ABHD16A: variants seen among roughly 807,000 people sequenced by gnomAD.
The protein encoded by ABHD16A is phosphatidylserine lipase ABHD16A.
In ABHD16A, 47 loss-of-function variants were observed where a neutral mutation model predicts 89.8. That is an observed-to-expected ratio of 0.52 (90% CI 0.41 to 0.67). The LOEUF (loss-of-function observed/expected upper bound fraction) is 0.67, where lower values mean the gene tolerates loss of function less well. ABHD16A is among the 30% of genes least tolerant of loss of function. ABHD16A has a pLI of 0.00. For missense variants in ABHD16A, 580 were observed against 734.6 expected (o/e 0.79, Z 2.43); for synonymous variants, 251 against 280.4 (o/e 0.90, Z 1.05).
Position 31,687,443 on chromosome 6 carries a change from CTA to C in ABHD16A, c.1593+53_1593+54del, listed in dbSNP as rs1209698909. The C allele has an allele frequency of 1.2e-6, 2 of 1,612,260 alleles. No homozygotes were observed. The highest frequency in any genetic ancestry group is 3.3e-5 in the Admixed American group (2 of 60,018). On this transcript the variant is annotated intron_variant, in intron 19 of 19. Transcript: ENST00000395952. This position sits in a 1 kb window ranked among gnomAD's most constrained non-coding sequence, Gnocchi z 6.3. ...TGCTTATAGGGTATCCCCAGTCCCC[CTA>C]TGTGAGCCCTGGCCATTCAAGAACC...
At position 31,690,169 on chromosome 6, in the gene ABHD16A, C is replaced by A; in HGVS notation, c.908-42G>T. ...GGAGGGACTGAGACCTTGTGGCCCA[C>A]AGCCCTTTCTCCATCCCTGGGGGAA... On this transcript the variant is annotated intron_variant, in intron 10 of 19. Coordinates refer to ENST00000395952, the MANE Select transcript of ABHD16A (RefSeq NM_021160.3). The surrounding 1 kb of genome is among the most constrained non-coding windows in gnomAD (Gnocchi z 4.1). 1 of 1,531,280 alleles carries A rather than the reference C, an allele frequency of 6.5e-7. No homozygotes were observed. The highest frequency in any genetic ancestry group is 1.2e-5 in the South Asian group (1 of 80,114). The allele number at this position is 1,531,280 out of a possible 1,614,324, so 94.9% of individuals were successfully genotyped here. A position where few individuals can be genotyped will look rare whatever the true frequency, so the allele number is the denominator to read the frequency against.
intron 4 of ABHD16A, among the ~76,000 whole-genome samples, chr6:31,697,572 C>T (rs1804519439): frequency 6.6e-6 from 1 of 152,154 alleles, no homozygotes; most frequent in Non-Finnish European, 1.5e-5. Context: ...CAGCATTCTC[C>T]CTGTCCCTCA....
intron 9 of ABHD16A, among the ~76,000 whole-genome samples, chr6:31,691,122 C>CTAG (rs1205168796): frequency 6.6e-6 from 1 of 152,082 alleles, no homozygotes; most frequent in African/African-American, 2.4e-5. Flanking sequence ...GCGCTCTTTC[C>CTAG]ACGGCTGCTT....
chr6:31,703,203 C>G lies in ABHD16A; in HGVS notation c.79G>C (p.Ala27Pro). The G allele has an allele frequency of 6.9e-7, 1 of 1,443,142 alleles. No individual in the cohort carries two copies. Among genetic ancestry groups the G allele is most frequent in the Non-Finnish European group, 9.2e-7 (1 of 1,089,706 alleles). 89.4% of individuals were successfully genotyped at this position (1,443,142 alleles called of 1,614,324 possible). A position where few individuals can be genotyped will look rare whatever the true frequency, so the allele number is the denominator to read the frequency against. The change falls in exon 1 of 20, where the codon GCC becomes CCC. Residue 27 changes from alanine (A) to proline (P), a missense_variant. Ala to Pro is a conservative substitution (Grantham distance 27). Transcript: ENST00000395952. The stretch of plus-strand genomic sequence containing the variant: ...GCCGTTGGCGTCTCAGGGACGCTGG[C>G]CGGGGCCCTTTCAGAGTCCCTCTCC... Reference protein sequence around the residue: ...YRERDSERAPASVPETPTAVT... With the variant: ...YRERDSERAPPSVPETPTAVT...
At position 31,689,251 on chromosome 6, in the gene ABHD16A, C is replaced by G. The variant is rs1032189589; in HGVS notation, c.1082-132G>C. The G allele has an allele frequency of 4.6e-6, 4 of 868,860 alleles. No homozygotes were observed. In the Admixed American group the frequency reaches 8.6e-5, roughly 19 times the overall value. 53.8% of individuals were successfully genotyped at this position (868,860 alleles called of 1,614,324 possible). ...TGTTATCCCTTGTTTTTTTCTTAAC[C>G]TACTTCACTTGGTTAGGGAACTATC... On this transcript the variant is annotated intron_variant, in intron 12 of 19. Transcript: ENST00000395952.
In ABHD16A at chr6:31,690,542, C is replaced by T; in HGVS notation, c.904G>A (p.Glu302Lys). 6.2e-7 allele frequency: 1 copy of T among 1,612,990 alleles called. No homozygotes were observed. Among genetic ancestry groups the T allele is most frequent in the Non-Finnish European group, 8.5e-7 (1 of 1,179,964 alleles). ...GGAGGCTGAGTCACCGTCCTACCTTCCAGGGGCGTGGAGACGCAGCCCACC... is the reference window on the plus strand; with the variant it reads ...GGAGGCTGAGTCACCGTCCTACCTTTCAGGGGCGTGGAGACGCAGCCCACC... Reference protein sequence around the residue: ...YEVGCVSTPLEAGYSVLGWNH... With the variant: ...YEVGCVSTPLKAGYSVLGWNH... The change falls in exon 10 of 20, where the codon GAA becomes AAA. Residue 302 changes from glutamate to lysine, a missense_variant. This residue lies in a region of ABHD16A where 415 missense variants were observed against 568.8 expected (regional missense o/e 0.73). Coordinates refer to ENST00000395952, the MANE Select transcript of ABHD16A (RefSeq NM_021160.3). The surrounding 1 kb of genome is among the most constrained non-coding windows in gnomAD (Gnocchi z 4.1).
Position 31,688,466 on chromosome 6 carries a change from G to GC in ABHD16A, c.1251-162dup, listed in dbSNP as rs1344232385. On this transcript the variant is annotated intron_variant, in intron 14 of 19. Coordinates refer to ENST00000395952, the MANE Select transcript of ABHD16A (RefSeq NM_021160.3). The surrounding 1 kb of genome is among the most constrained non-coding windows in gnomAD (Gnocchi z 4.9). ...GGGGTGAGAGGGGATTATTTAAGGGGCATGGTTCAGTCTGGCCCTGCTGGG... is the reference window on the plus strand; with the variant it reads ...GGGGTGAGAGGGGATTATTTAAGGGGCCATGGTTCAGTCTGGCCCTGCTGGG... 1.2e-6 allele frequency: 1 copy of GC among 833,718 alleles called. No homozygotes were observed. The highest frequency in any genetic ancestry group is 1.9e-6 in the Non-Finnish European group (1 of 526,462). The allele number at this position is 833,718 out of a possible 1,614,324, so 51.6% of individuals were successfully genotyped here.
rs2151236210 is a variant in ABHD16A at position 31,693,243 on chromosome 6, A to G, written c.504-94T>C. 1 of 1,586,736 alleles carries G rather than the reference A, an allele frequency of 6.3e-7. No homozygotes were observed. The highest frequency in any genetic ancestry group is 1.7e-4 in the Middle Eastern group (1 of 5,918). On this transcript the variant is annotated intron_variant, in intron 6 of 19. Coordinates refer to ENST00000395952, the MANE Select transcript of ABHD16A (RefSeq NM_021160.3). The surrounding 1 kb of genome is among the most constrained non-coding windows in gnomAD (Gnocchi z 5.0). ...AACAGTGGGGTCTAGGAACGACATAATGGCATTGGAAGGCAGGCACTGTGA... is the reference window on the plus strand; with the variant it reads ...AACAGTGGGGTCTAGGAACGACATAGTGGCATTGGAAGGCAGGCACTGTGA...
Position 31,689,107 on chromosome 6 carries a change from G to A in ABHD16A, c.1094C>T (p.Ala365Val). ...GGCACTAACATCTGGGTAGGACATG[G>A]CTGCCCACGTGGCTGGTACCAGGGC... is the stretch of plus-strand genomic sequence containing the variant. The part of the protein sequence containing the change: ...SIGGFTATWA[A>V]MSYPDVSAMI... The change falls in exon 13 of 20, where the codon GCC becomes GTC. Residue 365 changes from alanine to valine, a missense_variant. Around this residue, in one of 2 missense-constraint regions of ABHD16A, gnomAD observed 415 missense variants for 568.8 expected, o/e 0.73. Coordinates refer to ENST00000395952, the MANE Select transcript of ABHD16A (RefSeq NM_021160.3). 6.2e-7 allele frequency: 1 copy of A among 1,613,852 alleles called. No individual in the cohort carries two copies. Among genetic ancestry groups the A allele is most frequent in the Non-Finnish European group, 8.5e-7 (1 of 1,179,858 alleles).
chr6:31,687,580 C>G lies in ABHD16A; in HGVS notation c.1547-36G>C. On this transcript the variant is annotated intron_variant, in intron 18 of 19. Coordinates refer to ENST00000395952, the MANE Select transcript of ABHD16A (RefSeq NM_021160.3). This position sits in a 1 kb window ranked among gnomAD's most constrained non-coding sequence, Gnocchi z 6.3. ...GAGGCGCTCAAAATAGGCCACACAT[C>G]TGGGTATTCATCCCCTTCCTAGGCC... 5.6e-6 allele frequency: 9 copies of G among 1,613,048 alleles called. No homozygotes were observed. The highest frequency in any genetic ancestry group is 7.6e-6 in the Non-Finnish European group (9 of 1,179,990).
In ABHD16A at chr6:31,693,161, A is replaced by C. The variant is rs1159202645; in HGVS notation, c.504-12T>G. On this transcript the variant is annotated splice_polypyrimidine_tract_variant and intron_variant, in intron 6 of 19. Transcript: ENST00000395952. The surrounding 1 kb of genome is among the most constrained non-coding windows in gnomAD (Gnocchi z 5.0). ...CTCGAGACTCCTTCCTGAGGAAGGG[A>C]AAGATGCAGGGAAGGATAGGGTCAG... 1.9e-6 allele frequency: 3 copies of C among 1,611,220 alleles called. No homozygotes were observed. In the South Asian group the frequency reaches 3.3e-5, roughly 18 times the overall value.
rs1431866228 is a variant in ABHD16A, at chr6:31,688,350, G to A, written c.1251-45C>T. On this transcript the variant is annotated intron_variant, in intron 14 of 19. Transcript: ENST00000395952. The surrounding 1 kb of genome is among the most constrained non-coding windows in gnomAD (Gnocchi z 4.9). ...GGGAAGGGAGAGCTCAGAGGGAGAC[G>A]GGTGACAACTGGCCCACCCCTATCC... The A allele has an allele frequency of 6.9e-6, 11 of 1,589,212 alleles. No individual in the cohort carries two copies. Among genetic ancestry groups the A allele is most frequent in the African/African-American group, 1.3e-5 (1 of 74,276 alleles).
rs199592566 is a variant in ABHD16A, at chr6:31,693,037, G to A, written c.616C>T (p.Gln206Ter). Reference sequence around the variant, plus strand: ...GCTGCTGTTTCCCACCTGGTGATCTGACAAGGCAGCTTCTTAACCCGGTTG... The same window carrying A: ...GCTGCTGTTTCCCACCTGGTGATCTAACAAGGCAGCTTCTTAACCCGGTTG... ...LLNRVKKLPC[Q>*]ITSYLVAHTL... The change falls in exon 7 of 20, where the codon CAG becomes TAG. Residue 206 changes from glutamine to a stop codon, truncating the protein, a stop_gained. Transcript: ENST00000395952. LOFTEE classifies it high-confidence loss of function. The surrounding 1 kb of genome is among the most constrained non-coding windows in gnomAD (Gnocchi z 5.0). 2.5e-6 allele frequency: 4 copies of A among 1,614,046 alleles called. No homozygotes were observed. The highest frequency in any genetic ancestry group is 2.7e-5 in the African/African-American group (2 of 74,896).
Position 31,698,251 on chromosome 6 carries a change from GA to G in ABHD16A, c.344-1219del, listed in dbSNP as rs9281556. On this transcript the variant is annotated intron_variant, in intron 4 of 19. Transcript: ENST00000395952. The surrounding 1 kb of genome is among the most constrained non-coding windows in gnomAD (Gnocchi z 4.1). The stretch of plus-strand genomic sequence containing the variant: ...ATATGTTTCATAAAAGTATGTGCCA[GA>G]AAAAAAAAAAACCCACACCAAATGA... 1.7e-3 allele frequency among the ~76,000 whole-genome samples: 237 copies of G among 141,204 alleles called. No individual in the cohort carries two copies. Among genetic ancestry groups the G allele is most frequent in the African/African-American group, 4.5e-3 (175 of 38,802 alleles). 92.6% of individuals were successfully genotyped at this position (141,204 alleles called of 152,430 possible). A position where few individuals can be genotyped will look rare whatever the true frequency, so the allele number is the denominator to read the frequency against.
chr6:31,698,945 G>A lies in ABHD16A; in HGVS notation c.344-1912C>T, dbSNP rs1804641922. On this transcript the variant is annotated intron_variant, in intron 4 of 19. Transcript: ENST00000395952. The surrounding 1 kb of genome is among the most constrained non-coding windows in gnomAD (Gnocchi z 4.1). ...TGTCCTCTTTATTTTTTTAAATTGCGAGATACAACATATGTACATAAAACA... is the reference window on the plus strand; with the variant it reads ...TGTCCTCTTTATTTTTTTAAATTGCAAGATACAACATATGTACATAAAACA... 6.6e-6 allele frequency among the ~76,000 whole-genome samples: 1 copy of A among 151,966 alleles called. No homozygotes were observed. Among genetic ancestry groups the A allele is most frequent in the Non-Finnish European group, 1.5e-5 (1 of 68,000 alleles).
At position 31,687,677 on chromosome 6, in the gene ABHD16A, T is replaced by A. The variant is rs1803434915; in HGVS notation, c.1511A>T (p.Gln504Leu). ...DWCLSVLRSY[Q>L]AEHGPDFPWS... ...GGGGAAGTCGGGCCCGTGTTCTGCC[T>A]GGTAGGAGCGGAGGACAGACAGACA... is the stretch of plus-strand genomic sequence containing the variant. Residue 504 changes from glutamine to leucine, a missense_variant, in exon 18 of 20, where the codon CAG becomes CTG. Around this residue, in one of 2 missense-constraint regions of ABHD16A, gnomAD observed 415 missense variants for 568.8 expected, o/e 0.73. Transcript: ENST00000395952. This position sits in a 1 kb window ranked among gnomAD's most constrained non-coding sequence, Gnocchi z 6.3. 6.2e-7 allele frequency: 1 copy of A among 1,612,902 alleles called. No homozygotes were observed. Among genetic ancestry groups the A allele is most frequent in the Non-Finnish European group, 8.5e-7 (1 of 1,179,956 alleles).
intron 2 of ABHD16A, 41 bp downstream of exon 2, chr6:31,702,033 G>A (rs771533409): frequency 6.2e-7 from 1 of 1,610,742 alleles, no homozygotes; most frequent in Non-Finnish European, 8.5e-7. Flanking sequence ...GGACAGGTGG[G>A]TCTGAAAGAT....
chr6:31,702,795 G>T lies in ABHD16A; in HGVS notation c.132+355C>A. 2.1e-6 allele frequency: 3 copies of T among 1,440,352 alleles called. No homozygotes were observed. The South Asian group carries it at 4.4e-5, about 21-fold the overall frequency. 89.2% of individuals were successfully genotyped at this position (1,440,352 alleles called of 1,614,324 possible). A position where few individuals can be genotyped will look rare whatever the true frequency, so the allele number is the denominator to read the frequency against. ...AAGAGGCACTGAAGAAGAGGAAACT[G>T]GGAGTCTGACAGCAAAATTCAACGG... is the stretch of plus-strand genomic sequence containing the variant. On this transcript the variant is annotated intron_variant, in intron 1 of 19. Transcript: ENST00000395952.
intron 4 of ABHD16A, among the ~76,000 whole-genome samples, chr6:31,699,132 C>T (rs1041041888): frequency 3.3e-4 from 50 of 151,864 alleles, no homozygotes; most frequent in African/African-American, 1.1e-3. Context: ...CCTTGCTGGG[C>T]GCGGTGGCTC....
Sources: gnomAD v4.1 joint callset for allele counts (sites outside exome capture counted in the v4.1 genomes callset) on GRCh38, gnomAD v4.1.1 for gene constraint, gnomAD v4.1.1 regional missense constraint, Gnocchi (gnomAD v3.1) non-coding constraint, MANE v1.5 for transcripts, NCBI Gene and HGNC (gene_info 2026-07-23, HGNC 2026-07-21) for gene names.